The following CSPP1 variants were observed in gnomAD, a reference collection of about 807,000 sequenced individuals.
The protein encoded by CSPP1 is centrosome and spindle pole-associated protein 1.
A neutral mutation model predicts 164.4 loss-of-function variants in CSPP1; 126 were observed. That is an observed-to-expected ratio of 0.77 (90% CI 0.66 to 0.89). The LOEUF is 0.89. Among genes scored for constraint, CSPP1 ranks in the 40% least tolerant of loss-of-function variants. The pLI is 0.00. For synonymous variants in CSPP1, 472 were observed against 476.7 expected, an observed-to-expected ratio of 0.99 and a Z score of 0.13; for missense variants, 1,395 against 1,449.8, an observed-to-expected ratio of 0.96 and a Z score of 0.61.
chr8:67,087,710 G>T (rs1177337457), intron 4 of CSPP1, among the ~76,000 whole-genome samples: 2 of 152,172 alleles, frequency 1.3e-5, no homozygotes, highest in Non-Finnish European at 1.5e-5. Context: ...AGAGTAGTAA[G>T]AAATAATGAT....
At chr8:67,065,854 C>T (rs1805440264) in intron 1 of CSPP1, among the ~76,000 whole-genome samples, 1 of 152,132 alleles carries the variant, frequency 6.6e-6, no homozygotes, top group South Asian at 2.1e-4. Context: ...GCCAGATGGC[C>T]GCCTGGGAGG....
At position 67,190,637 on chromosome 8, in the gene CSPP1, G is replaced by A. The variant is rs955277635; in HGVS notation, c.3221-13G>A. 1.3e-6 allele frequency: 2 copies of A among 1,599,056 alleles called. No individual in the cohort carries two copies. Among genetic ancestry groups the A allele is most frequent in the Middle Eastern group, 1.7e-4 (1 of 6,050 alleles). On this transcript the variant is annotated splice_polypyrimidine_tract_variant and intron_variant, in intron 28 of 30. Coordinates refer to ENST00000678616, the MANE Select transcript of CSPP1 (RefSeq NM_001382391.1). ...AGTATTAAGACTCCTTCTGCTTTTC[G>A]GGGTCCTCTTAGGGGCTTACGGTGA...
rs376815666 is a variant in CSPP1, at chr8:67,091,412, A to G, written c.304-391A>G. ...AATAGAAAAAAAACTTGTGGCATGCATTAAGATATTTGTGAGGAAGTTTAA... is the reference window on the plus strand; with the variant it reads ...AATAGAAAAAAAACTTGTGGCATGCGTTAAGATATTTGTGAGGAAGTTTAA... On this transcript the variant is annotated intron_variant, in intron 4 of 30. Transcript: ENST00000678616. 1.9e-3 allele frequency among the ~76,000 whole-genome samples: 284 copies of G among 152,360 alleles called. 3 individuals are homozygous for G. The highest frequency in any genetic ancestry group is 6.5e-3 in the African/African-American group (272 of 41,582).
intron 17 of CSPP1, among the ~76,000 whole-genome samples, chr8:67,140,334 C>T (rs1234049933): frequency 6.6e-6 from 1 of 152,212 alleles, no homozygotes; most frequent in Non-Finnish European, 1.5e-5. Context: ...TCCCACCCAC[C>T]TCAGCCTCCC....
chr8:67,074,599 T>G (rs1260009039), intron 2 of CSPP1, among the ~76,000 whole-genome samples: 1 of 152,228 alleles, frequency 6.6e-6, no homozygotes, highest in East Asian at 1.9e-4. Context: ...AAAATGATTA[T>G]GAGACCAGTT....
intron 1 of CSPP1, among the ~76,000 whole-genome samples, chr8:67,068,212 T>C (rs1805991431): frequency 6.6e-6 from 1 of 152,224 alleles, no homozygotes; most frequent in African/African-American, 2.4e-5. Flanking sequence ...ATTTTCTTTT[T>C]TCTTCATAAT....
At chr8:67,140,171 G>C (rs1433818669) in intron 17 of CSPP1, among the ~76,000 whole-genome samples, 1 of 152,032 alleles carries the variant, frequency 6.6e-6, no homozygotes, top group African/African-American at 2.4e-5. Context: ...TGCAACCTCT[G>C]CCTCCAGGTT....
At chr8:67,180,964 T>A (rs1014780220) in intron 28 of CSPP1, among the ~76,000 whole-genome samples, 1 of 152,148 alleles carries the variant, frequency 6.6e-6, no homozygotes, top group Non-Finnish European at 1.5e-5. Context: ...TAGTTGTATT[T>A]CAGGCCAATT....
chr8:67,121,489 C>T (rs1257870699), intron 15 of CSPP1, among the ~76,000 whole-genome samples: 1 of 151,814 alleles, frequency 6.6e-6, no homozygotes, highest in African/African-American at 2.4e-5. Context: ...TATGTTTAAC[C>T]ATAACCATCC....
chr8:67,193,360 G>A, intron 29 of CSPP1, 104 bp from the exon 30 acceptor site: 1 of 996,634 alleles, frequency 1.0e-6, no homozygotes, highest in African/African-American at 1.6e-5. Flanking sequence ...GCTTCCCAAA[G>A]TGCTGGGATC....
intron 17 of CSPP1, among the ~76,000 whole-genome samples, chr8:67,143,933 ATTTAT>A (rs1823992885): frequency 6.6e-6 from 1 of 152,084 alleles, no homozygotes; most frequent in South Asian, 2.1e-4. Context: ...GATGCCTTCT[ATTTAT>A]TTTAATTGCC....
chr8:67,102,517 G>A (rs1015299623), intron 7 of CSPP1, among the ~76,000 whole-genome samples: 1 of 152,130 alleles, frequency 6.6e-6, no homozygotes, highest in Non-Finnish European at 1.5e-5. Context: ...TTGAACCCAG[G>A]AGGTGGAGGT....
At chr8:67,073,920 A>G (rs1807357492) in intron 1 of CSPP1, among the ~76,000 whole-genome samples, 1 of 152,078 alleles carries the variant, frequency 6.6e-6, no homozygotes, top group African/African-American at 2.4e-5. Flanking sequence ...TTTAAAAAAA[A>G]CTTTTTTTTT....
In CSPP1 at chr8:67,124,991, A is replaced by C. The variant is rs531117066; in HGVS notation, c.1697+6170A>C. Among the ~76,000 whole-genome samples the C allele has an allele frequency of 1.2e-4, 19 of 152,272 alleles. No homozygotes were observed. In the East Asian group the frequency reaches 3.7e-3, roughly 29 times the overall value. ...CCCATCCATAGTTGTCTTTTAAGTC[A>C]AATAGAGAAGAATAAAGTTACAAAC... On this transcript the variant is annotated intron_variant, in intron 15 of 30. Transcript: ENST00000678616.
intron 21 of CSPP1, among the ~76,000 whole-genome samples, chr8:67,159,852 T>TTCTTTCTCTTTC (rs1554605176): frequency 2.1e-5 from 1 of 47,592 alleles, no homozygotes; most frequent in African/African-American, 1.4e-4. Context: ...CTTTCTTTCT[T>TTCTTTCTCTTTC]TTTCTTTCTT....
chr8:67,177,345 T>A (rs1283559201), intron 26 of CSPP1, among the ~76,000 whole-genome samples: 2 of 152,198 alleles, frequency 1.3e-5, no homozygotes, highest in Non-Finnish European at 2.9e-5. Context: ...GAGCCCCTGT[T>A]TAACTCCATG....
chr8:67,147,544 T>C (rs547390018), intron 17 of CSPP1, among the ~76,000 whole-genome samples: 1 of 152,244 alleles, frequency 6.6e-6, no homozygotes, highest in Non-Finnish European at 1.5e-5. Flanking sequence ...AACATCTAGC[T>C]TGTACCCCCG....
intron 1 of CSPP1, chr8:67,064,817 A>T: frequency 5.3e-6 from 1 of 189,536 alleles, no homozygotes; most frequent in Non-Finnish European, 1.0e-5. Context: ...GGTGACTACG[A>T]GTTATGAGGG....
intron 1 of CSPP1, among the ~76,000 whole-genome samples, chr8:67,065,831 G>C (rs555912170): frequency 2.0e-5 from 3 of 152,158 alleles, no homozygotes; most frequent in Non-Finnish European, 4.4e-5. Flanking sequence ...GCCCGTTCAA[G>C]TTTGGGTCTT....
Sources: allele counts gnomAD v4.1 joint callset (sites outside exome capture counted in the v4.1 genomes callset), GRCh38; gene constraint gnomAD v4.1.1; transcripts MANE v1.5; gene names NCBI Gene and HGNC (gene_info 2026-07-23, HGNC 2026-07-21).